CFAP47: variants seen among roughly 807,000 people sequenced by gnomAD.
The protein encoded by CFAP47 is cilia- and flagella-associated protein 47.
In CFAP47, 29 loss-of-function variants were observed where a neutral mutation model predicts 148.1. That is an observed-to-expected ratio of 0.20 (90% confidence interval 0.15 to 0.27). The LOEUF (loss-of-function observed/expected upper bound fraction) is 0.27, where lower values mean the gene tolerates loss of function less well. Ranked by LOEUF, CFAP47 falls within the 10% of genes least tolerant of loss-of-function variation. The pLI is 1.00. For missense variants in CFAP47, 1,872 were observed against 1,697.5 expected (o/e 1.10, Z -1.81); for synonymous variants, 664 against 577.3 (o/e 1.15, Z -2.15).
chrX:36,188,726 T>C, intron 41 of CFAP47, 36 bp downstream of exon 41: 1 of 296,393 alleles, frequency 3.4e-6, no homozygotes, highest in Admixed American at 6.1e-5. Context: ...TTTGTTTTCA[T>C]GTCTGATTTT....
chrX:35,932,385 G>C (rs1401843761), intron 2 of CFAP47, among the ~76,000 whole-genome samples: 3 of 105,767 alleles, frequency 2.8e-5, no homozygotes, highest in Non-Finnish European at 3.9e-5. Context: ...TCAGCCTCCT[G>C]AGTAGCTGGG....
chrX:36,311,693 T>C (rs1245920838), intron 56 of CFAP47, among the ~76,000 whole-genome samples: 3 of 111,297 alleles, frequency 2.7e-5, no homozygotes, highest in African/African-American at 9.7e-5. Flanking sequence ...AGAATGTTTA[T>C]ACTTTTGCAA....
At chrX:35,961,476 T>C in intron 8 of CFAP47, among the ~76,000 whole-genome samples, 1 of 111,540 alleles carries the variant, frequency 9.0e-6, no homozygotes, top group Non-Finnish European at 1.9e-5. Flanking sequence ...AGTTTTTGGC[T>C]ATTAATTCAA....
intron 37 of CFAP47, among the ~76,000 whole-genome samples, chrX:36,155,695 C>G (rs139617702): frequency 6.3e-5 from 7 of 111,038 alleles, no homozygotes; most frequent in African/African-American, 2.3e-4. Context: ...CCTCAGTTTC[C>G]TTATTTGAAA....
chrX:36,352,346 T>G (rs891896261), intron 59 of CFAP47, among the ~76,000 whole-genome samples: 38 of 111,677 alleles, frequency 3.4e-4, no homozygotes, highest in African/African-American at 1.2e-3. Flanking sequence ...CATTGTATTC[T>G]TATTGTACAT....
At chrX:36,167,917 G>C (rs749990566) in intron 39 of CFAP47, among the ~76,000 whole-genome samples, 1 of 111,457 alleles carries the variant, frequency 9.0e-6, no homozygotes, top group Non-Finnish European at 1.9e-5. Flanking sequence ...TTGTTTGTTT[G>C]TTTTGTTTTT....
intron 15 of CFAP47, among the ~76,000 whole-genome samples, chrX:35,985,517 G>T (rs1936702691): frequency 9.0e-6 from 1 of 110,839 alleles, no homozygotes; most frequent in Non-Finnish European, 1.9e-5. Context: ...AGGTGGGCTG[G>T]TACATTTCAG....
chrX:36,257,491 C>T (rs782310495), intron 49 of CFAP47, among the ~76,000 whole-genome samples: 1 of 107,207 alleles, frequency 9.3e-6, no homozygotes, highest in Admixed American at 1.0e-4. Flanking sequence ...GTGGTGTGAA[C>T]ATGGCTTACT....
intron 26 of CFAP47, among the ~76,000 whole-genome samples, chrX:36,053,736 G>A (rs938825733): frequency 8.9e-6 from 1 of 112,092 alleles, no homozygotes. Context: ...TATAATACTG[G>A]TGTGTCATAA....
At chrX:36,005,220 C>T (rs1936967759) in intron 21 of CFAP47, among the ~76,000 whole-genome samples, 1 of 110,501 alleles carries the variant, frequency 9.0e-6, no homozygotes, top group African/African-American at 3.3e-5. Context: ...CTTTATTATT[C>T]ATTTTTTTCT....
intron 2 of CFAP47, among the ~76,000 whole-genome samples, chrX:35,939,543 T>C: frequency 1.1e-5 from 1 of 93,376 alleles, no homozygotes; most frequent in South Asian, 6.3e-4. Context: ...GAATATGCGG[T>C]GTTTGGTTTT....
chrX:36,064,726 A>G (rs1937622278), intron 26 of CFAP47, among the ~76,000 whole-genome samples: 1 of 111,869 alleles, frequency 8.9e-6, no homozygotes, highest in South Asian at 3.7e-4. Flanking sequence ...TATAATGCAG[A>G]TCTGAAATTA....
At chrX:35,927,166 A>C (rs1172013308) in intron 2 of CFAP47, among the ~76,000 whole-genome samples, 1 of 109,701 alleles carries the variant, frequency 9.1e-6, no homozygotes, top group African/African-American at 3.3e-5. Context: ...AAAAAAAAAA[A>C]AAAATTCCCT....
chrX:36,261,956 A>AC (rs1355373236), intron 49 of CFAP47, among the ~76,000 whole-genome samples: 33 of 107,580 alleles, frequency 3.1e-4, no homozygotes, highest in East Asian at 2.3e-3. Flanking sequence ...GCGGGGGCTG[A>AC]CCCCCCACCT....
intron 45 of CFAP47, among the ~76,000 whole-genome samples, chrX:36,218,940 A>C (rs1466714571): frequency 8.9e-6 from 1 of 111,884 alleles, no homozygotes; most frequent in African/African-American, 3.2e-5. Context: ...ATCTGCTTGG[A>C]AAGAAATGCT....
At chrX:36,307,578 T>G (rs2146961744) in intron 55 of CFAP47, among the ~76,000 whole-genome samples, 1 of 111,067 alleles carries the variant, frequency 9.0e-6, no homozygotes, top group African/African-American at 3.3e-5. Flanking sequence ...AATTAAAATT[T>G]TATGTAAAAT....
chrX:36,099,764 C>A lies in CFAP47; in HGVS notation c.5012C>A (p.Thr1671Lys). Residue 1671 changes from threonine to lysine, a missense_variant, in exon 32 of 64, where the codon ACG (threonine) becomes AAG (lysine). Physicochemically the swap from Thr to Lys is moderately conservative, Grantham distance 78. Transcript: ENST00000378653. ...RWIEIMSSTN[T>K]MPVSSCTPKK... ...TATTTCTTAAAGTCTTCCACTAATA[C>A]GATGCCTGTGAGTTCCTGTACACCT... is the stretch of plus-strand genomic sequence containing the variant. The A allele has an allele frequency of 1.2e-6, 1 of 853,192 alleles. No individual in the cohort carries two copies. The highest frequency in any genetic ancestry group is 1.7e-6 in the Non-Finnish European group (1 of 579,655). The allele number at this position is 853,192 out of a possible 1,213,427, so 70.3% of individuals were successfully genotyped here.
At chrX:36,009,079 A>G (rs1350423034) in intron 21 of CFAP47, among the ~76,000 whole-genome samples, 1 of 111,425 alleles carries the variant, frequency 9.0e-6, no homozygotes, top group Non-Finnish European at 1.9e-5. Flanking sequence ...CATTGAAAGA[A>G]AAGATGGGTC....
chrX:36,284,630 A>G (rs1225572822), intron 50 of CFAP47, among the ~76,000 whole-genome samples: 1 of 111,714 alleles, frequency 9.0e-6, no homozygotes, highest in Non-Finnish European at 1.9e-5. Context: ...GTACAATGCA[A>G]TGCAAAACAT....
Sources: gnomAD v4.1 joint callset for allele counts (sites outside exome capture counted in the v4.1 genomes callset) on GRCh38, gnomAD v4.1.1 for gene constraint, MANE v1.5 for transcripts, NCBI Gene and HGNC (gene_info 2026-07-23, HGNC 2026-07-21) for gene names.